The following GLIS3 variants were observed in gnomAD, a reference collection of about 807,000 sequenced individuals.
GLIS3 encodes GLIS family zinc finger 3, also known as zinc finger protein GLIS3.
A neutral mutation model predicts 78.6 loss-of-function variants in GLIS3; 53 were observed. The observed-to-expected ratio is 0.67, with a 90% confidence interval of 0.54 to 0.85. The LOEUF (loss-of-function observed/expected upper bound fraction) is 0.85. Among genes scored for constraint, GLIS3 ranks in the 40% least tolerant of loss-of-function variants. GLIS3 has a pLI of 0.00. For synonymous variants in GLIS3, 684 were observed against 509.9 expected (o/e 1.34, Z -4.60); for missense variants, 1,703 against 1,231.1 (o/e 1.38, Z -5.74).
chr9:4,424,124 G>A, the GLIS3 span, among the ~76,000 whole-genome samples: 1 of 152,224 alleles, frequency 6.6e-6, no homozygotes, highest in Non-Finnish European at 1.5e-5. Context: ...TGAATTTCCA[G>A]TGAACCATCA....
the GLIS3 span, among the ~76,000 whole-genome samples, chr9:4,354,923 T>C: frequency 9.9e-5 from 15 of 152,092 alleles, no homozygotes; most frequent in South Asian, 2.1e-4. Context: ...GAGACCATCC[T>C]GGCTAACACG....
intron 2 of GLIS3, among the ~76,000 whole-genome samples, chr9:4,228,332 G>A (rs893831990): frequency 2.6e-5 from 4 of 152,040 alleles, no homozygotes; most frequent in South Asian, 2.1e-4. Flanking sequence ...GGGAGGAGTC[G>A]GGGCTGAGCC....
chr9:4,032,518 A>G (rs471664), intron 4 of GLIS3, among the ~76,000 whole-genome samples: 23,852 of 152,172 alleles, frequency 0.16, 2,482 homozygotes, highest in African/African-American at 0.29. Context: ...AAATATATTT[A>G]GAGATGGCAG....
intron 6 of GLIS3, among the ~76,000 whole-genome samples, chr9:3,906,643 C>T (rs1048284547): frequency 6.6e-6 from 1 of 152,140 alleles, no homozygotes; most frequent in Non-Finnish European, 1.5e-5. Context: ...GGCCGGACCA[C>T]GAATACCAAC....
chr9:4,055,345 C>T (rs1210207955), intron 4 of GLIS3, among the ~76,000 whole-genome samples: 1 of 152,278 alleles, frequency 6.6e-6, no homozygotes, highest in African/African-American at 2.4e-5. Flanking sequence ...AGGGTGCCTC[C>T]GTCCATCCCT....
At chr9:4,447,729 G>C in the GLIS3 span, among the ~76,000 whole-genome samples, 1 of 152,110 alleles carries the variant, frequency 6.6e-6, no homozygotes, top group East Asian at 1.9e-4. Flanking sequence ...CTTCATGGAG[G>C]ACAACTTCCC....
the GLIS3 span, among the ~76,000 whole-genome samples, chr9:4,477,186 G>T: frequency 6.6e-6 from 1 of 151,870 alleles, no homozygotes; most frequent in Admixed American, 6.6e-5. Flanking sequence ...CCAATGGATG[G>T]ATAAACAAAA....
the GLIS3 span, among the ~76,000 whole-genome samples, chr9:4,420,992 G>C: frequency 6.6e-6 from 1 of 152,168 alleles, no homozygotes; most frequent in Non-Finnish European, 1.5e-5. Flanking sequence ...TTAAAAAAGT[G>C]TCTGCTACCA....
intron 4 of GLIS3, among the ~76,000 whole-genome samples, chr9:3,984,290 G>A (rs1819545414): frequency 6.6e-6 from 1 of 152,364 alleles, no homozygotes; most frequent in South Asian, 2.1e-4. Flanking sequence ...GAAGGCTGCT[G>A]GGAGGGACGC....
chr9:4,420,122 T>G, the GLIS3 span, among the ~76,000 whole-genome samples: 1 of 151,910 alleles, frequency 6.6e-6, no homozygotes, highest in African/African-American at 2.4e-5. Flanking sequence ...GCATGTGTGG[T>G]TCAAAAAAAC....
rs578029053 is a variant in GLIS3, at chr9:4,256,046, T to A, written c.388+29992A>T. Among the ~76,000 whole-genome samples, 258 of 151,966 alleles carry A rather than the reference T, an allele frequency of 1.7e-3. 3 individuals carry two copies. Among genetic ancestry groups the A allele is most frequent in the East Asian group, 3.1e-3 (16 of 5,176 alleles). On this transcript the variant is annotated intron_variant, in intron 2 of 10. Coordinates refer to ENST00000381971, the MANE Select transcript of GLIS3 (RefSeq NM_001042413.2). ...CTAAAAACTAAGTCTATTTTTTTTTTAAAAAAGGATAACAAACTTGCCCAA... is the reference window on the plus strand; with the variant it reads ...CTAAAAACTAAGTCTATTTTTTTTTAAAAAAAGGATAACAAACTTGCCCAA...
In GLIS3 at chr9:3,827,229, T is replaced by C. The variant is rs1817771638; in HGVS notation, c.*1043A>G. On this transcript the variant is annotated 3_prime_UTR_variant, in exon 11 of 11. Coordinates refer to ENST00000381971, the MANE Select transcript of GLIS3 (RefSeq NM_001042413.2). ...GATATCCTGAAAAACGTTAGTAAAA[T>C]CTGAGCACTGGAAGTCAAGTATCAC... The C allele has an allele frequency of 6.6e-6, 1 of 152,006 alleles. No homozygotes were observed. Among genetic ancestry groups the C allele is most frequent in the Non-Finnish European group, 1.5e-5 (1 of 68,004 alleles). The allele number at this position is 152,006 out of a possible 1,614,324, so 9.4% of individuals were successfully genotyped here.
the GLIS3 span, among the ~76,000 whole-genome samples, chr9:4,435,720 C>T: frequency 4.6e-5 from 7 of 152,278 alleles, no homozygotes; most frequent in South Asian, 2.1e-4. Flanking sequence ...GAGGCCAAGG[C>T]GGGCGGATCA....
chr9:4,279,551 A>C (rs927760207), intron 2 of GLIS3, among the ~76,000 whole-genome samples: 2 of 151,916 alleles, frequency 1.3e-5, no homozygotes, highest in East Asian at 3.8e-4. Context: ...TGGTTTAAGA[A>C]AAATAATGTA....
At chr9:4,418,093 T>C in the GLIS3 span, among the ~76,000 whole-genome samples, 1 of 152,208 alleles carries the variant, frequency 6.6e-6, no homozygotes, top group Non-Finnish European at 1.5e-5. Context: ...CACTGCCTAA[T>C]TGAGAAACAC....
rs193032397 is a variant in GLIS3, at chr9:4,035,256, T to A, written c.1710+82512A>T. Among the ~76,000 whole-genome samples, 14 of 152,248 alleles carry A rather than the reference T, an allele frequency of 9.2e-5. No homozygotes were observed. The East Asian group carries it at 2.7e-3, about 29-fold the overall frequency. On this transcript the variant is annotated intron_variant, in intron 4 of 10. Transcript: ENST00000381971. ...ACAGGTGAAAGCATTAAGACTTGGA[T>A]TACTTGTTAGAAGATCCTACAGATA...
At chr9:4,306,477 C>T (rs1330820381) in intron 4 of GLIS3, among the ~76,000 whole-genome samples, 1 of 152,192 alleles carries the variant, frequency 6.6e-6, no homozygotes, top group African/African-American at 2.4e-5. Context: ...AGACAACTGC[C>T]TCGAACAGCC....
chr9:4,334,193 G>A (rs1817722245), intron 2 of GLIS3, among the ~76,000 whole-genome samples: 1 of 152,206 alleles, frequency 6.6e-6, no homozygotes, highest in African/African-American at 2.4e-5. Context: ...TAAAGAAACT[G>A]AGTAAAGGGG....
chr9:4,394,095 GA>G, the GLIS3 span, among the ~76,000 whole-genome samples: 1 of 151,738 alleles, frequency 6.6e-6, no homozygotes, highest in South Asian at 2.1e-4. Flanking sequence ...AAAAGAAAAA[GA>G]AAAAAGAGTT....
Sources: allele counts gnomAD v4.1 joint callset (sites outside exome capture counted in the v4.1 genomes callset), GRCh38; gene constraint gnomAD v4.1.1; transcripts MANE v1.5; gene names NCBI Gene and HGNC (gene_info 2026-07-23, HGNC 2026-07-21).